Variants in ZNF365 observed in about 807,000 individuals in gnomAD.
The protein encoded by ZNF365 is protein ZNF365.
A neutral mutation model predicts 35.0 loss-of-function variants in ZNF365; 22 were observed. That is an observed-to-expected ratio of 0.63 (90% CI 0.45 to 0.90). The LOEUF (loss-of-function observed/expected upper bound fraction) is 0.90. ZNF365 is among the 40% of genes least tolerant of loss of function. The pLI, the probability that ZNF365 is intolerant of heterozygous loss-of-function variation, is 0.00. For missense variants in ZNF365, 448 were observed against 500.3 expected, an observed-to-expected ratio of 0.90 and a Z score of 1.00; for synonymous variants, 188 against 196.2, an observed-to-expected ratio of 0.96 and a Z score of 0.35.
At chr10:62,399,090 G>A (rs748339277) in intron 4 of ZNF365, among the ~76,000 whole-genome samples, 1 of 152,100 alleles carries the variant, frequency 6.6e-6, no homozygotes, top group Non-Finnish European at 1.5e-5. Context: ...TACTATTAAT[G>A]TAGTTCATGT....
intron 4 of ZNF365, among the ~76,000 whole-genome samples, chr10:62,479,085 T>A (rs1447051251): frequency 2.0e-5 from 3 of 152,210 alleles, no homozygotes; most frequent in Non-Finnish European, 4.4e-5. Context: ...ACCCTTAATC[T>A]CTTCTCCCTG....
chr10:62,376,383 C>G lies in ZNF365; in HGVS notation c.190C>G (p.Leu64Val), dbSNP rs1364213830. 12 of 1,614,068 alleles carry G rather than the reference C, an allele frequency of 7.4e-6. No homozygotes were observed. The highest frequency in any genetic ancestry group is 1.0e-5 in the Non-Finnish European group (12 of 1,179,958). ...AAGAACCCTCTTGACAAAATGCAGT[C>G]TCTTTCCATCCCTCAAAGACACAGA... ...EERTLLTKCS[L>V]FPSLKDTDLV... The change falls in exon 2 of 5, where the codon CTC (leucine) becomes GTC (valine). Residue 64 changes from leucine to valine, a missense_variant. This residue lies in a region of ZNF365 where 76 missense variants were observed against 96.7 expected (regional missense o/e 0.79). Transcript: ENST00000395254.
intron 3 of ZNF365, among the ~76,000 whole-genome samples, chr10:62,455,232 G>T (rs994646667): frequency 3.9e-5 from 6 of 152,156 alleles, no homozygotes; most frequent in Non-Finnish European, 7.4e-5. Context: ...GGCTGGGAGA[G>T]AGCTGGACAG....
chr10:62,446,281 T>C (rs1041227181), intron 3 of ZNF365, among the ~76,000 whole-genome samples: 2 of 152,130 alleles, frequency 1.3e-5, no homozygotes, highest in African/African-American at 4.8e-5. Context: ...CATGTCATAG[T>C]AGTGAAAGCA....
chr10:62,442,512 T>C (rs560867317), intron 3 of ZNF365, among the ~76,000 whole-genome samples: 20 of 152,314 alleles, frequency 1.3e-4, no homozygotes, highest in African/African-American at 4.6e-4. Context: ...TACGTTACAA[T>C]TGCTGGTGCT....
At chr10:62,406,600 A>G (rs1015864949), downstream of ZNF365, among the ~76,000 whole-genome samples, 1 of 152,146 alleles carries the variant, frequency 6.6e-6, no homozygotes, top group African/African-American at 2.4e-5. Context: ...GAAAACTACA[A>G]TGAGAAAATG....
At chr10:62,395,344 A>G (rs1270346167) in intron 3 of ZNF365, among the ~76,000 whole-genome samples, 2 of 140,468 alleles carry the variant, frequency 1.4e-5, no homozygotes, top group African/African-American at 5.2e-5. Flanking sequence ...AAACTCTGAC[A>G]CTCTTTTTTT....
intron 4 of ZNF365, among the ~76,000 whole-genome samples, chr10:62,473,712 C>T (rs765524874): frequency 1.3e-5 from 2 of 152,062 alleles, no homozygotes. Flanking sequence ...TACTATTCAC[C>T]TATAAATTGT....
chr10:62,394,805 A>G (rs201523035), intron 3 of ZNF365, among the ~76,000 whole-genome samples: 2 of 152,134 alleles, frequency 1.3e-5, no homozygotes, highest in Non-Finnish European at 1.5e-5. Flanking sequence ...TTACATATCA[A>G]TCTAGGAATT....
chr10:62,405,267 G>A (rs777457300), downstream of ZNF365, among the ~76,000 whole-genome samples: 4 of 152,154 alleles, frequency 2.6e-5, no homozygotes, highest in Admixed American at 6.5e-5. Context: ...CTCCAGCATC[G>A]TGCCTTCTTC....
rs558525326 is a variant in ZNF365 at position 62,464,095 on chromosome 10, A to C, written c.981+4298A>C. 2.6e-5 allele frequency among the ~76,000 whole-genome samples: 4 copies of C among 152,302 alleles called. No individual in the cohort carries two copies. The East Asian group carries it at 7.7e-4, about 29-fold the overall frequency. ...TGAGCAATGAGAGCCTGGATAAGTA[A>C]ATAACTTAAGAGATAAATACATGTG... On this transcript the variant is annotated intron_variant, in intron 4 of 4. Coordinates refer to the ZNF365 transcript ENST00000395255.
At chr10:62,417,610 T>C (rs541685260) in intron 3 of ZNF365, among the ~76,000 whole-genome samples, 1 of 152,168 alleles carries the variant, frequency 6.6e-6, no homozygotes, top group African/African-American at 2.4e-5. Context: ...TCAAATTTTG[T>C]TGTTTTATTT....
intron 3 of ZNF365, among the ~76,000 whole-genome samples, chr10:62,437,826 T>G (rs1840430671): frequency 2.0e-5 from 3 of 152,224 alleles, no homozygotes; most frequent in Non-Finnish European, 2.9e-5. Context: ...TGATAATCTA[T>G]CCACATACTT....
chr10:62,379,263 A>G (rs569204285), intron 2 of ZNF365, among the ~76,000 whole-genome samples: 294 of 152,232 alleles, frequency 1.9e-3, no homozygotes, highest in African/African-American at 6.9e-3. Context: ...ACCTCAGATG[A>G]TCTACTGGTC....
At chr10:62,420,434 T>G (rs1840148555) in intron 3 of ZNF365, among the ~76,000 whole-genome samples, 1 of 152,228 alleles carries the variant, frequency 6.6e-6, no homozygotes, top group African/African-American at 2.4e-5. Flanking sequence ...TTTGTATTCT[T>G]GTAGGTAACT....
intron 4 of ZNF365, among the ~76,000 whole-genome samples, chr10:62,474,002 T>C (rs961592537): frequency 5.9e-5 from 9 of 152,140 alleles, no homozygotes; most frequent in African/African-American, 2.2e-4. Flanking sequence ...TGTCTGTCAC[T>C]CTTCCAGGAG....
chr10:62,389,649 A>C, intron 3 of ZNF365, among the ~76,000 whole-genome samples: 1 of 152,212 alleles, frequency 6.6e-6, no homozygotes, highest in East Asian at 1.9e-4. Flanking sequence ...AATGAAAGGC[A>C]GGTGGATAAA....
chr10:62,480,235 T>C (rs1841201285), exon 5 of ZNF365: 3 of 1,039,176 alleles, frequency 2.9e-6, no homozygotes. Context: ...TCTATTTAGC[T>C]TGGGACATGG....
intron 2 of ZNF365, among the ~76,000 whole-genome samples, chr10:62,385,902 C>CT (rs879588512): frequency 2.7e-5 from 4 of 148,880 alleles, no homozygotes; most frequent in South Asian, 4.3e-4. Context: ...AAAAATGGTA[C>CT]TTTTTTTTTT....
Sources: allele counts gnomAD v4.1 joint callset (sites outside exome capture counted in the v4.1 genomes callset), GRCh38; gene constraint gnomAD v4.1.1; regional missense constraint gnomAD v4.1.1; transcripts MANE v1.5; gene names NCBI Gene and HGNC (gene_info 2026-07-23, HGNC 2026-07-21).